SEMA6D: variants seen among roughly 807,000 people sequenced by gnomAD.
The protein encoded by SEMA6D is semaphorin-6D.
Under a neutral mutation model 106.6 loss-of-function variants are expected in SEMA6D, and 35 were observed. The ratio of observed to expected loss-of-function variants is 0.33; its 90% confidence interval spans 0.25 to 0.44. SEMA6D has a LOEUF of 0.44. Ranked by LOEUF, SEMA6D falls within the 20% of genes least tolerant of loss-of-function variation. The pLI, the probability that SEMA6D is intolerant of heterozygous loss-of-function variation, is 1.00. For missense variants in SEMA6D, 1,185 were observed against 1,345.9 expected, an observed-to-expected ratio of 0.88 and a Z score of 1.87; for synonymous variants, 499 against 487.7, an observed-to-expected ratio of 1.02 and a Z score of -0.31.
At chr15:47,703,550 A>G (rs2078857171) in intron 4 of SEMA6D, among the ~76,000 whole-genome samples, 1 of 152,192 alleles carries the variant, frequency 6.6e-6, no homozygotes, top group East Asian at 1.9e-4. Context: ...TAGCAACCCA[A>G]TTTGTGACAA....
chr15:47,493,208 C>A (rs1179486363), intron 3 of SEMA6D, among the ~76,000 whole-genome samples: 1 of 152,168 alleles, frequency 6.6e-6, no homozygotes, highest in Non-Finnish European at 1.5e-5. Context: ...GGCACATCAG[C>A]ATAAGGCACA....
intron 1 of SEMA6D, among the ~76,000 whole-genome samples, chr15:47,262,070 A>C (rs946297011): frequency 1.8e-4 from 28 of 152,130 alleles, no homozygotes; most frequent in Non-Finnish European, 1.5e-5. Flanking sequence ...TCAGATATGA[A>C]CTCCCATTCA....
chr15:47,265,332 GTTT>G (rs1430957735), intron 1 of SEMA6D, among the ~76,000 whole-genome samples: 2 of 151,466 alleles, frequency 1.3e-5, no homozygotes, highest in African/African-American at 4.8e-5. Flanking sequence ...TCTTGAGTCA[GTTT>G]TGGGAGTTTG....
At chr15:47,210,904 C>G (rs2029931005) in intron 1 of SEMA6D, among the ~76,000 whole-genome samples, 1 of 151,016 alleles carries the variant, frequency 6.6e-6, no homozygotes, top group African/African-American at 2.4e-5. Context: ...GCTTTTAATA[C>G]AGTGTTTTTT....
intron 4 of SEMA6D, among the ~76,000 whole-genome samples, chr15:47,638,571 A>C (rs2077432656): frequency 6.6e-6 from 1 of 152,204 alleles, no homozygotes; most frequent in Admixed American, 6.5e-5. Flanking sequence ...TGTATAATTA[A>C]TAACAAAAAT....
chr15:47,567,505 C>G (rs2046262028), intron 3 of SEMA6D, among the ~76,000 whole-genome samples: 1 of 152,118 alleles, frequency 6.6e-6, no homozygotes. Context: ...ATTTCCTAAC[C>G]ATGAAATACT....
rs144686123 is a variant in SEMA6D, at chr15:47,327,413, A to G, written c.-238-84980A>G. On this transcript the variant is annotated intron_variant, in intron 1 of 19. Transcript: ENST00000558014. Reference sequence around the variant, plus strand: ...TATTAAAATCCACAGTTGTGGGACAACCTGTTCCCTTAGTCACATTTCAAT... The same window carrying G: ...TATTAAAATCCACAGTTGTGGGACAGCCTGTTCCCTTAGTCACATTTCAAT... 3.2e-3 allele frequency among the ~76,000 whole-genome samples: 491 copies of G among 152,288 alleles called. 5 individuals carry two copies. The highest frequency in any genetic ancestry group is 0.011 in the African/African-American group (476 of 41,564).
intron 1 of SEMA6D, among the ~76,000 whole-genome samples, chr15:47,313,979 A>G (rs190074045): frequency 6.6e-6 from 1 of 152,312 alleles, no homozygotes; most frequent in Non-Finnish European, 1.5e-5. Flanking sequence ...GCTGGTTTGT[A>G]TAGTAAGAAT....
Position 47,501,872 on chromosome 15 carries a change from G to T in SEMA6D, c.-87+31327G>T, listed in dbSNP as rs4143628. On this transcript the variant is annotated intron_variant, in intron 3 of 19. Transcript: ENST00000558014. The stretch of plus-strand genomic sequence containing the variant: ...GAGATTTTTGGTTTTGTTTTGTTTT[G>T]TTTTGTTTTACTATAAGCTTCATTT... Among the ~76,000 whole-genome samples the T allele has an allele frequency of 1.0e-3, 48 of 46,746 alleles. No individual in the cohort carries two copies. In the East Asian group the frequency reaches 0.015, roughly 14 times the overall value. The allele number at this position is 46,746 out of a possible 152,430, so 30.7% of individuals were successfully genotyped here.
At chr15:47,272,661 A>G (rs920448483) in intron 1 of SEMA6D, 1 of 152,736 alleles carries the variant, frequency 6.5e-6, no homozygotes, top group African/African-American at 2.4e-5. Flanking sequence ...GATTCGGCTG[A>G]TCTGGCTGGC....
Position 47,384,814 on chromosome 15 carries a change from G to GTTTTTTTGTTTTT in SEMA6D, c.-238-27572_-238-27571insGTTTTTTTTTTTT, listed in dbSNP as rs1567042573. On this transcript the variant is annotated intron_variant, in intron 1 of 19. Coordinates refer to the SEMA6D transcript ENST00000558014. ...TCAGAATTAACATTTGATTACTAAA[G>GTTTTTTTGTTTTT]TTTTTTTTTTTTTTTTTTTTTTTTT... Among the ~76,000 whole-genome samples, 80 of 65,696 alleles carry GTTTTTTTGTTTTT rather than the reference G, an allele frequency of 1.2e-3. 6 individuals carry two copies. Among genetic ancestry groups the GTTTTTTTGTTTTT allele is most frequent in the East Asian group, 2.1e-3 (3 of 1,440 alleles). The allele number at this position is 65,696 out of a possible 152,430, so 43.1% of individuals were successfully genotyped here.
intron 3 of SEMA6D, among the ~76,000 whole-genome samples, chr15:47,532,475 C>G (rs1015064742): frequency 1.3e-5 from 2 of 152,200 alleles, no homozygotes; most frequent in African/African-American, 4.8e-5. Flanking sequence ...CCTCAGGGTT[C>G]TTGGTTCCAG....
At chr15:47,758,321 G>T (rs55961203) in intron 1 of SEMA6D, among the ~76,000 whole-genome samples, 31,636 of 152,064 alleles carry the variant, frequency 0.21, 3,957 homozygotes, top group South Asian at 0.33. Flanking sequence ...TTAGTGGTTG[G>T]ACTCCCCTGG....
chr15:47,531,023 GAAT>G (rs1372716995), intron 3 of SEMA6D, among the ~76,000 whole-genome samples: 1 of 152,022 alleles, frequency 6.6e-6, no homozygotes, highest in East Asian at 1.9e-4. Flanking sequence ...ATGTATTTAT[GAAT>G]AATGACATAT....
At chr15:47,613,708 T>C (rs2573563) in intron 4 of SEMA6D, among the ~76,000 whole-genome samples, 150,091 of 152,122 alleles carry the variant, frequency 0.99, 74,081 homozygotes, top group Middle Eastern at 1. Flanking sequence ...TGCTGGAGTG[T>C]GGTGGCGCGA....
chr15:47,634,064 T>C (rs2077338479), intron 4 of SEMA6D, among the ~76,000 whole-genome samples: 1 of 152,202 alleles, frequency 6.6e-6, no homozygotes, highest in Non-Finnish European at 1.5e-5. Context: ...TTGAAGCATT[T>C]TCATGACTGC....
rs150433720 is a variant in SEMA6D, at chr15:47,227,770, A to G, written c.-239+43352A>G. ...GTACTTTGCAACCTTCTTTTCTACT[A>G]TAATTCTAATGATATATGACGTTGT... On this transcript the variant is annotated intron_variant, in intron 1 of 19. Coordinates refer to the SEMA6D transcript ENST00000558014. Among the ~76,000 whole-genome samples, 893 of 150,306 alleles carry G rather than the reference A, an allele frequency of 5.9e-3. 13 individuals are homozygous for G. The highest frequency in any genetic ancestry group is 0.021 in the African/African-American group (850 of 41,112).
chr15:47,262,043 T>G (rs936007860), intron 1 of SEMA6D, among the ~76,000 whole-genome samples: 5 of 151,936 alleles, frequency 3.3e-5, no homozygotes, highest in Non-Finnish European at 5.9e-5. Context: ...CAAAAAACAG[T>G]CAAGCTGAGA....
intron 3 of SEMA6D, among the ~76,000 whole-genome samples, chr15:47,490,101 G>T (rs2043425255): frequency 6.6e-6 from 1 of 152,234 alleles, no homozygotes; most frequent in Non-Finnish European, 1.5e-5. Context: ...TTTGCTGTCT[G>T]TGTCACAGTA....
Sources: allele counts gnomAD v4.1 joint callset (sites outside exome capture counted in the v4.1 genomes callset), GRCh38; gene constraint gnomAD v4.1.1; transcripts MANE v1.5; gene names NCBI Gene and HGNC (gene_info 2026-07-23, HGNC 2026-07-21).